The following LMBR1 variants were observed in gnomAD, a reference collection of about 807,000 sequenced individuals.
The protein encoded by LMBR1 is limb region 1 protein homolog.
A neutral mutation model predicts 73.9 loss-of-function variants in LMBR1; 52 were observed. The ratio of observed to expected loss-of-function variants is 0.70; its 90% CI spans 0.56 to 0.89. LMBR1 has a LOEUF of 0.89. Among genes scored for constraint, LMBR1 ranks in the 40% least tolerant of loss-of-function variants. The probability of loss-of-function intolerance (pLI) is 0.00; values close to 1 mark genes in which losing one functional copy is unlikely to be tolerated. For synonymous variants in LMBR1, 215 were observed against 209.4 expected (o/e 1.03, Z -0.23); for missense variants, 539 against 579.8 (o/e 0.93, Z 0.72).
intron 4 of LMBR1, among the ~76,000 whole-genome samples, chr7:156,802,598 AT>A (rs139560683): frequency 6.6e-6 from 1 of 152,216 alleles, no homozygotes; most frequent in Admixed American, 6.5e-5. Context: ...AGAAATATTA[AT>A]TTTTAACAGC....
intron 1 of LMBR1, among the ~76,000 whole-genome samples, chr7:156,884,850 T>C (rs2134519090): frequency 6.6e-6 from 1 of 152,328 alleles, no homozygotes; most frequent in East Asian, 1.9e-4. Flanking sequence ...CCAACCACTA[T>C]TCCCAAGTGG....
intron 1 of LMBR1, among the ~76,000 whole-genome samples, chr7:156,860,344 G>A (rs1797556534): frequency 6.6e-6 from 1 of 152,172 alleles, no homozygotes; most frequent in Non-Finnish European, 1.5e-5. Context: ...AAAACCATCA[G>A]ATCTCATGAG....
In LMBR1 at chr7:156,798,145, A is replaced by G. The variant is rs556141838; in HGVS notation, c.320-1653T>C. ...TCCTGCTGCACTTCTATGTGACAAC[A>G]TTGCTAAATCACAGGTTCTTCATCT... On this transcript the variant is annotated intron_variant, in intron 4 of 16. Transcript: ENST00000353442. 3.2e-4 allele frequency among the ~76,000 whole-genome samples: 49 copies of G among 152,332 alleles called. 1 individual carries two copies. The highest frequency in any genetic ancestry group is 1.4e-3 in the Admixed American group (22 of 15,306).
At chr7:156,726,869 G>A (rs11982981) in intron 12 of LMBR1, among the ~76,000 whole-genome samples, 1,885 of 151,660 alleles carry the variant, frequency 0.012, 41 homozygotes, top group African/African-American at 0.042. Flanking sequence ...CCGGAGACAC[G>A]AGGACACCGA....
chr7:156,807,751 C>A (rs567800985), intron 4 of LMBR1, among the ~76,000 whole-genome samples: 1 of 152,138 alleles, frequency 6.6e-6, no homozygotes. Context: ...ACAGGTATTT[C>A]GTGCTATACA....
At chr7:156,704,755 TAA>T (rs201275771) in intron 15 of LMBR1, among the ~76,000 whole-genome samples, 2 of 136,918 alleles carry the variant, frequency 1.5e-5, no homozygotes, top group Admixed American at 7.2e-5. Flanking sequence ...TAGTTGTCTT[TAA>T]AAAAAAAAAA....
intron 1 of LMBR1, among the ~76,000 whole-genome samples, chr7:156,867,234 T>C: frequency 6.6e-6 from 1 of 152,156 alleles, no homozygotes; most frequent in Non-Finnish European, 1.5e-5. Flanking sequence ...TCATACCCAC[T>C]AGAATGGCTA....
intron 4 of LMBR1, among the ~76,000 whole-genome samples, chr7:156,802,222 A>T (rs1382692432): frequency 6.6e-6 from 1 of 152,180 alleles, no homozygotes; most frequent in African/African-American, 2.4e-5. Flanking sequence ...ACCTCAGGTG[A>T]TCCACTCGCT....
At chr7:156,755,464 G>A (rs753733423) in intron 9 of LMBR1, among the ~76,000 whole-genome samples, 1 of 152,176 alleles carries the variant, frequency 6.6e-6, no homozygotes, top group Non-Finnish European at 1.5e-5. Context: ...GGCTACCTGA[G>A]GCTGAAACAA....
At chr7:156,847,073 AAC>A (rs1173439439) in intron 1 of LMBR1, among the ~76,000 whole-genome samples, 1 of 152,216 alleles carries the variant, frequency 6.6e-6, no homozygotes, top group African/African-American at 2.4e-5. Context: ...TTGATGGAAA[AAC>A]ACAGACAAAT....
intron 4 of LMBR1, among the ~76,000 whole-genome samples, 167 bp downstream of exon 4, chr7:156,826,438 T>G (rs926729389): frequency 1.3e-5 from 2 of 152,140 alleles, no homozygotes; most frequent in African/African-American, 4.8e-5. Context: ...TAATTAAACA[T>G]AGAAATGATA....
intron 4 of LMBR1, among the ~76,000 whole-genome samples, chr7:156,797,890 T>C (rs370157566): frequency 1.3e-5 from 2 of 152,188 alleles, no homozygotes; most frequent in African/African-American, 4.8e-5. Flanking sequence ...TAACATCTTT[T>C]AGTGGAAAAA....
chr7:156,875,241 AACAAAG>A (rs1459802379), intron 1 of LMBR1, among the ~76,000 whole-genome samples: 8 of 152,310 alleles, frequency 5.3e-5, no homozygotes, highest in Middle Eastern at 3.4e-3. Flanking sequence ...AACCCAAGCC[AACAAAG>A]ACAAAGAAAA....
chr7:156,883,656 G>T (rs112370401), intron 1 of LMBR1, among the ~76,000 whole-genome samples: 4,246 of 152,180 alleles, frequency 0.028, 203 homozygotes, highest in African/African-American at 0.097. Context: ...CGTGAGCAAG[G>T]TTGCTTCCTT....
At chr7:156,855,368 A>C (rs941762940) in intron 1 of LMBR1, among the ~76,000 whole-genome samples, 3 of 152,186 alleles carry the variant, frequency 2.0e-5, no homozygotes, top group African/African-American at 4.8e-5. Flanking sequence ...AAGACTACAC[A>C]ATGTTCCCCT....
In LMBR1 at chr7:156,669,982, A is replaced by C. The variant is rs1258864098; in HGVS notation, n.867-695T>G. 6.6e-6 allele frequency among the ~76,000 whole-genome samples: 1 copy of C among 152,222 alleles called. No individual in the cohort carries two copies. Among genetic ancestry groups the C allele is most frequent in the Non-Finnish European group, 1.5e-5 (1 of 68,042 alleles). On this transcript the variant is annotated intron_variant and non_coding_transcript_variant, in intron 4 of 4. Coordinates refer to the LMBR1 transcript ENST00000430825. The surrounding 1 kb of genome is among the most constrained non-coding windows in gnomAD (Gnocchi z 4.2). The stretch of plus-strand genomic sequence containing the variant: ...GGGAAAGTGCCATCCAAGTACTAAA[A>C]GTATAAAGCTGTATGTACTTCTGTG...
chr7:156,813,931 C>T (rs1471412914), intron 4 of LMBR1, among the ~76,000 whole-genome samples: 2 of 152,042 alleles, frequency 1.3e-5, no homozygotes, highest in Non-Finnish European at 2.9e-5. Flanking sequence ...AACCTCTTTC[C>T]TCTAACGAAC....
chr7:156,688,243 T>C, intron 15 of LMBR1, 52 bp from the exon 16 acceptor site: 3 of 1,320,560 alleles, frequency 2.3e-6, no homozygotes, highest in Non-Finnish European at 3.1e-6. Flanking sequence ...AAGACATATT[T>C]AGTGTGCTAC....
intron 9 of LMBR1, among the ~76,000 whole-genome samples, chr7:156,739,502 G>A (rs985846259): frequency 2.6e-5 from 4 of 152,178 alleles, no homozygotes; most frequent in Non-Finnish European, 5.9e-5. Flanking sequence ...ACGTAGTGCC[G>A]TGCTGGCCTC....
Sources: allele counts gnomAD v4.1 joint callset (sites outside exome capture counted in the v4.1 genomes callset), GRCh38; gene constraint gnomAD v4.1.1; non-coding constraint Gnocchi (gnomAD v3.1); transcripts MANE v1.5; gene names NCBI Gene and HGNC (gene_info 2026-07-23, HGNC 2026-07-21).